The following DHX30 variants were observed in gnomAD, a reference collection of about 807,000 sequenced individuals.
DHX30 encodes the protein DExH-box helicase 30.
DHX30 carries 4 observed loss-of-function variants against 116.9 expected under a neutral mutation model. That is an observed-to-expected ratio of 0.03 (90% CI 0.02 to 0.08). DHX30 has a LOEUF of 0.08. Among genes scored for constraint, DHX30 ranks in the 10% least tolerant of loss-of-function variants. The probability of loss-of-function intolerance (pLI) is 1.00; values close to 1 mark genes in which losing one functional copy is unlikely to be tolerated. For missense variants in DHX30, 871 were observed against 1,595.1 expected (o/e 0.55, Z 7.73); for synonymous variants, 697 against 651.7 (o/e 1.07, Z -1.06).
chr3:47,809,859 T>C (rs1459627860), intron 2 of DHX30, among the ~76,000 whole-genome samples: 4 of 151,630 alleles, frequency 2.6e-5, no homozygotes, highest in Non-Finnish European at 5.9e-5. Flanking sequence ...CCATTTAAGG[T>C]TACTGCACTA....
rs2107130633 is a variant in DHX30, at chr3:47,845,788, G to A, written c.1028G>A (p.Arg343His). The A allele has an allele frequency of 1.2e-6, 2 of 1,612,622 alleles. No individual in the cohort carries two copies. Among genetic ancestry groups the A allele is most frequent in the Non-Finnish European group, 1.7e-6 (2 of 1,178,786 alleles). The change falls in exon 10 of 22, where the codon CGC becomes CAC. Residue 343 changes from arginine to histidine, a missense_variant. Arg to His is a conservative substitution (Grantham distance 29). Transcript: ENST00000445061. ...ASLRELGETQ[R>H]RPCTIQVPEP... is the part of the protein sequence containing the mutation. ...TTGCGTGAGCTGGGTGAGACCCAGC[G>A]CCGACCATGCACCATCCAGGTGCCC...
At chr3:47,825,147 T>C (rs1576482031) in intron 4 of DHX30, 2 of 673,836 alleles carry the variant, frequency 3.0e-6, no homozygotes, top group Middle Eastern at 2.4e-4. Flanking sequence ...GCGGCTTCTC[T>C]TCAAGCTGCG....
chr3:47,844,066 G>A (rs2037495903), intron 9 of DHX30, among the ~76,000 whole-genome samples: 1 of 152,236 alleles, frequency 6.6e-6, no homozygotes, highest in African/African-American at 2.4e-5. Flanking sequence ...AGGGAGTTGG[G>A]ATTGTCTCTG....
chr3:47,808,671 GT>G (rs560231776), intron 2 of DHX30, among the ~76,000 whole-genome samples: 43 of 150,414 alleles, frequency 2.9e-4, no homozygotes, highest in African/African-American at 1.1e-3. Flanking sequence ...CGCTTCTCGG[GT>G]TCAAGCGATT....
chr3:47,848,971 C>G lies in DHX30; in HGVS notation c.2821C>G (p.Arg941Gly). 1 of 1,613,158 alleles carries G rather than the reference C, an allele frequency of 6.2e-7. No individual in the cohort carries two copies. The highest frequency in any genetic ancestry group is 8.5e-7 in the Non-Finnish European group (1 of 1,179,592). The change falls in exon 18 of 22, where the codon CGG (arginine) becomes GGG (glycine). Residue 941 changes from arginine to glycine, a missense_variant. This residue lies in a region of DHX30 where 238 missense variants were observed against 481.0 expected (regional missense o/e 0.49). Transcript: ENST00000445061. The surrounding 1 kb of genome is among the most constrained non-coding windows in gnomAD (Gnocchi z 9.4). ...CGGCAGTGACCACCTGGCCTTTGTG[C>G]GGGCTGTCGCCGGCTGGGAGGAGGT... is the stretch of plus-strand genomic sequence containing the variant. Reference protein sequence around the residue: ...DSGSDHLAFVRAVAGWEEVLR... With the variant: ...DSGSDHLAFVGAVAGWEEVLR...
chr3:47,846,408 G>A lies in DHX30; in HGVS notation c.1336G>A (p.Ala446Thr), dbSNP rs781229562. The change falls in exon 11 of 22, where the codon GCC becomes ACC. Residue 446 changes from alanine to threonine, a missense_variant. By Grantham distance (58) the Ala-to-Thr change is moderately conservative. Around this residue, in one of 13 missense-constraint regions of DHX30, gnomAD observed 175 missense variants for 292.9 expected, o/e 0.60. Coordinates refer to ENST00000445061, the MANE Select transcript of DHX30 (RefSeq NM_138615.3). ...CCCACATCGGGACACCATCCTCAAC[G>A]CCATTGAGCAGCACCCGGTGGTGGT... ...VDPHRDTILN[A>T]IEQHPVVVIS... 1.4e-5 allele frequency: 23 copies of A among 1,613,994 alleles called. No homozygotes were observed. Among genetic ancestry groups the A allele is most frequent in the South Asian group, 6.6e-5 (6 of 91,094 alleles).
chr3:47,829,010 C>T lies in DHX30; in HGVS notation c.256-14C>T. On this transcript the variant is annotated splice_polypyrimidine_tract_variant and intron_variant, in intron 5 of 21. Transcript: ENST00000445061. Reference sequence around the variant, plus strand: ...GAGTGGCAAGACTTCTGATTTCTCTCTTCTCTTCCCCAGAAAGTCACACTG... The same window carrying T: ...GAGTGGCAAGACTTCTGATTTCTCTTTTCTCTTCCCCAGAAAGTCACACTG... 1.3e-6 allele frequency: 2 copies of T among 1,562,044 alleles called. No individual in the cohort carries two copies. The highest frequency in any genetic ancestry group is 1.8e-6 in the Non-Finnish European group (2 of 1,137,028).
At position 47,847,733 on chromosome 3, in the gene DHX30, A is replaced by T. The variant is rs539653923; in HGVS notation, c.2111-48A>T. The T allele has an allele frequency of 1.1e-5, 17 of 1,588,726 alleles. No individual in the cohort carries two copies. The highest frequency in any genetic ancestry group is 6.8e-5 in the East Asian group (3 of 44,144). On this transcript the variant is annotated intron_variant, in intron 13 of 21. Transcript: ENST00000445061. This position sits in a 1 kb window ranked among gnomAD's most constrained non-coding sequence, Gnocchi z 5.5. The stretch of plus-strand genomic sequence containing the variant: ...TGCCCTGCCCACATTCCAGGGGGGA[A>T]TTCTGGTGGAAGCAGTGCCCATAAC...
At chr3:47,819,393 G>C in intron 4 of DHX30, 5 of 857,624 alleles carry the variant, frequency 5.8e-6, no homozygotes, top group Non-Finnish European at 9.0e-6. Context: ...TCGCAGGATG[G>C]GCAGTTGCTG....
chr3:47,805,772 G>A (rs1020580738), intron 2 of DHX30, among the ~76,000 whole-genome samples: 1 of 152,004 alleles, frequency 6.6e-6, no homozygotes, highest in South Asian at 2.1e-4. Context: ...AACCCCTGAC[G>A]TCAGGTGATC....
Position 47,847,493 on chromosome 3 carries a change from G to A in DHX30, c.2067G>A (p.Gln689=), listed in dbSNP as rs761423800. 6.2e-7 allele frequency: 1 copy of A among 1,612,698 alleles called. No homozygotes were observed. Among genetic ancestry groups the A allele is most frequent in the Admixed American group, 1.7e-5 (1 of 59,860 alleles). ...QEIKGVQQRL[Q]EALGMHESKY... is the part of the protein sequence containing the mutation. ...TCAAAGGAGTGCAGCAGCGCCTCCA[G>A]GAGGCCCTGGGCATGCACGAGAGCA... Residue 689 remains glutamine, a synonymous_variant, in exon 13 of 22, where the codon CAG becomes CAA. Transcript: ENST00000445061. The surrounding 1 kb of genome is among the most constrained non-coding windows in gnomAD (Gnocchi z 5.5).
At chr3:47,830,601 C>G (rs958378491) in intron 6 of DHX30, among the ~76,000 whole-genome samples, 20 of 151,864 alleles carry the variant, frequency 1.3e-4, no homozygotes, top group Non-Finnish European at 2.5e-4. Context: ...GTGCCTAGCT[C>G]TAATTTTTCT....
intron 2 of DHX30, among the ~76,000 whole-genome samples, chr3:47,806,558 G>A (rs1390939119): frequency 6.6e-6 from 1 of 151,360 alleles, no homozygotes; most frequent in African/African-American, 2.4e-5. Flanking sequence ...CGATTCTTCT[G>A]TCTCAGCCTC....
chr3:47,828,996 C>G (rs751067047), intron 5 of DHX30, 28 bp from the exon 6 acceptor site: 4 of 1,466,776 alleles, frequency 2.7e-6, no homozygotes. Context: ...AGTGGCAAGA[C>G]TTCTGATTTC....
At position 47,839,051 on chromosome 3, in the gene DHX30, T is replaced by C. The variant is rs568687406; in HGVS notation, c.367-1826T>C. On this transcript the variant is annotated intron_variant, in intron 6 of 21. Coordinates refer to ENST00000445061, the MANE Select transcript of DHX30 (RefSeq NM_138615.3). Reference sequence around the variant, plus strand: ...ACCACCCCTGGCTAACTGCCTCTTATATTCCGAACTGCTTGAGGGCAAGGA... The same window carrying C: ...ACCACCCCTGGCTAACTGCCTCTTACATTCCGAACTGCTTGAGGGCAAGGA... Among the ~76,000 whole-genome samples, 281 of 151,970 alleles carry C rather than the reference T, an allele frequency of 1.8e-3. 1 individual carries two copies. The highest frequency in any genetic ancestry group is 3.3e-3 in the Non-Finnish European group (222 of 67,996).
At chr3:47,806,666 C>G (rs1309620956) in intron 2 of DHX30, among the ~76,000 whole-genome samples, 1 of 151,774 alleles carries the variant, frequency 6.6e-6, no homozygotes, top group African/African-American at 2.4e-5. Context: ...GTGCTGGTCT[C>G]GAACTCCTGA....
chr3:47,842,963 C>A, intron 8 of DHX30, 143 bp from the exon 9 acceptor site: 1 of 1,026,628 alleles, frequency 9.7e-7, no homozygotes, highest in South Asian at 1.6e-5. Context: ...GGCTATGCAG[C>A]AGCACCTCTA....
rs1164653697 is a variant in DHX30 at position 47,819,088 on chromosome 3, C to CT, written c.124+972dup. On this transcript the variant is annotated intron_variant, in intron 4 of 21. Coordinates refer to ENST00000445061, the MANE Select transcript of DHX30 (RefSeq NM_138615.3). Reference sequence around the variant, plus strand: ...CACACTCCTGCTGCTGCGGCCCTGACTACTGACAGCAGGATAGAAATGAGT... The same window carrying CT: ...CACACTCCTGCTGCTGCGGCCCTGACTTACTGACAGCAGGATAGAAATGAGT... The CT allele has an allele frequency of 1.4e-5, 8 of 578,296 alleles. No individual in the cohort carries two copies. The Admixed American group carries it at 1.8e-4, about 13-fold the overall frequency. The allele number at this position is 578,296 out of a possible 1,614,324, so 35.8% of individuals were successfully genotyped here.
chr3:47,806,737 G>A (rs1404366382), intron 2 of DHX30, among the ~76,000 whole-genome samples: 7 of 151,470 alleles, frequency 4.6e-5, no homozygotes, highest in Non-Finnish European at 8.8e-5. Context: ...GAGCCACTGC[G>A]CTCAGGCGTG....
Sources: allele counts gnomAD v4.1 joint callset (sites outside exome capture counted in the v4.1 genomes callset), GRCh38; gene constraint gnomAD v4.1.1; regional missense constraint gnomAD v4.1.1; non-coding constraint Gnocchi (gnomAD v3.1); transcripts MANE v1.5; gene names NCBI Gene and HGNC (gene_info 2026-07-23, HGNC 2026-07-21).